The following SUPT5H variants were observed in gnomAD, a reference collection of about 807,000 sequenced individuals.
The protein encoded by SUPT5H is transcription elongation factor SPT5.
A neutral mutation model predicts 142.5 loss-of-function variants in SUPT5H; 24 were observed. The ratio of observed to expected loss-of-function variants is 0.17; its 90% CI spans 0.12 to 0.24. The LOEUF (loss-of-function observed/expected upper bound fraction) is 0.24. SUPT5H is among the 10% of genes least tolerant of loss of function. The probability of loss-of-function intolerance (pLI) is 1.00; values close to 1 mark genes in which losing one functional copy is unlikely to be tolerated. For synonymous variants in SUPT5H, 546 were observed against 553.0 expected (o/e 0.99, Z 0.18); for missense variants, 893 against 1,471.8 (o/e 0.61, Z 6.43).
At position 39,458,249 on chromosome 19, in the gene SUPT5H, AC is replaced by A; in HGVS notation, c.308-43del. On this transcript the variant is annotated intron_variant, in intron 4 of 29. Coordinates refer to ENST00000432763, the MANE Select transcript of SUPT5H (RefSeq NM_001111020.3). The surrounding 1 kb of genome is among the most constrained non-coding windows in gnomAD (Gnocchi z 4.2). ...GCCCTCGCCCACCACCACCACCACC[AC>A]CACCACCACCACCACCACCACCACC... 2 of 771,752 alleles carry A rather than the reference AC, an allele frequency of 2.6e-6. No individual in the cohort carries two copies. The highest frequency in any genetic ancestry group is 1.5e-5 in the South Asian group (1 of 64,520). The allele number at this position is 771,752 out of a possible 1,614,324, so 47.8% of individuals were successfully genotyped here.
chr19:39,475,225 CAAAAAAAAAA>C (rs57886387), intron 28 of SUPT5H: 35 of 80,970 alleles, frequency 4.3e-4, no homozygotes, highest in Admixed American at 7.3e-4. Context: ...ACTAAAAATA[CAAAAAAAAAA>C]AAAAAAAAAA....
chr19:39,460,183 C>A, intron 10 of SUPT5H: 2 of 547,100 alleles, frequency 3.7e-6, no homozygotes, highest in Middle Eastern at 4.9e-4. Context: ...GTCTTCCCAC[C>A]CTTGTAGCCC....
Position 39,472,993 on chromosome 19 carries a change from ACCT to A in SUPT5H, c.2156-15_2156-13del, listed in dbSNP as rs747434065. The A allele has an allele frequency of 1.7e-5, 28 of 1,612,238 alleles. No individual in the cohort carries two copies. Among genetic ancestry groups the A allele is most frequent in the Non-Finnish European group, 2.2e-5 (26 of 1,178,978 alleles). ...GGTGAAGGAGAGCCTGCCCAGCCTGACCTCCTGTCCCCCTGCAGGCTACATCGG... is the reference window on the plus strand; with the variant it reads ...GGTGAAGGAGAGCCTGCCCAGCCTGACCTGTCCCCCTGCAGGCTACATCGG... On this transcript the variant is annotated splice_polypyrimidine_tract_variant and intron_variant, in intron 22 of 29. Coordinates refer to ENST00000432763, the MANE Select transcript of SUPT5H (RefSeq NM_001111020.3). This position sits in a 1 kb window ranked among gnomAD's most constrained non-coding sequence, Gnocchi z 4.2.
Position 39,470,249 on chromosome 19 carries a change from T to G in SUPT5H, c.1505T>G (p.Leu502Arg). 1 of 1,587,710 alleles carries G rather than the reference T, an allele frequency of 6.3e-7. No individual in the cohort carries two copies. Among genetic ancestry groups the G allele is most frequent in the Non-Finnish European group, 8.6e-7 (1 of 1,162,728 alleles). Residue 502 changes from leucine to arginine, a missense_variant, in exon 17 of 30, where the codon CTG (leucine) becomes CGG (arginine). Leu to Arg is a moderately radical substitution (Grantham distance 102). Transcript: ENST00000432763. This position sits in a 1 kb window ranked among gnomAD's most constrained non-coding sequence, Gnocchi z 5.8. ...IVRVEENFVI[L>R]FSDLTMHELK... ...CGGGTGGAGGAGAATTTCGTTATCC[T>G]GTTCTCTGACCTCACCATGCATGAG...
Position 39,453,492 on chromosome 19 carries a change from G to C in SUPT5H, c.212G>C (p.Arg71Pro). The change falls in exon 3 of 30, where the codon CGC becomes CCC. Residue 71 changes from arginine (R) to proline (P), a missense_variant. Physicochemically the swap from Arg to Pro is moderately radical, Grantham distance 103 (BLOSUM62 -2). Transcript: ENST00000432763. Reference protein sequence around the residue: ...EDDDRPPKKPRHGGFILDEAD... With the variant: ...EDDDRPPKKPPHGGFILDEAD... ...GATGACCGACCCCCCAAGAAACCCCGCCATGGAGGCTTCATTCTGGACGAG... is the reference window on the plus strand; with the variant it reads ...GATGACCGACCCCCCAAGAAACCCCCCCATGGAGGCTTCATTCTGGACGAG... 1.3e-6 allele frequency: 2 copies of C among 1,548,146 alleles called. No homozygotes were observed. The highest frequency in any genetic ancestry group is 1.7e-6 in the Non-Finnish European group (2 of 1,145,096).
At position 39,466,166 on chromosome 19, in the gene SUPT5H, G is replaced by T. The variant is rs534137798; in HGVS notation, c.877-314G>T. Among the ~76,000 whole-genome samples, 2 of 152,266 alleles carry T rather than the reference G, an allele frequency of 1.3e-5. No homozygotes were observed. Among genetic ancestry groups the T allele is most frequent in the Non-Finnish European group, 2.9e-5 (2 of 68,020 alleles). On this transcript the variant is annotated intron_variant, in intron 11 of 29. Transcript: ENST00000432763. The surrounding 1 kb of genome is among the most constrained non-coding windows in gnomAD (Gnocchi z 4.3). ...CAAAGGAGTCAAGAGTGGCTCCCAGGTTGTGTGCCTGAGCAGAGGGAAGAA... is the reference window on the plus strand; with the variant it reads ...CAAAGGAGTCAAGAGTGGCTCCCAGTTTGTGTGCCTGAGCAGAGGGAAGAA...
intron 10 of SUPT5H, among the ~76,000 whole-genome samples, chr19:39,460,405 T>A (rs1225339997): frequency 1.3e-5 from 2 of 152,186 alleles, no homozygotes; most frequent in Admixed American, 1.3e-4. Context: ...CTACTTCCCC[T>A]CTCTGGGCCC....
At chr19:39,453,279 T>C in intron 2 of SUPT5H, 77 bp from the exon 3 acceptor site, 1 of 1,498,460 alleles carries the variant, frequency 6.7e-7, no homozygotes, top group Non-Finnish European at 8.9e-7. Flanking sequence ...TGAGGTCAGA[T>C]TTAGGGTGAG....
At chr19:39,459,852 C>T (rs2079138516) in intron 9 of SUPT5H, 40 bp from the exon 10 acceptor site, 1 of 1,607,154 alleles carries the variant, frequency 6.2e-7, no homozygotes, top group South Asian at 1.1e-5. Context: ...TCCTTTCCTC[C>T]ATCCTGTCAT....
At chr19:39,449,196 C>G (rs1176885131) in intron 2 of SUPT5H, among the ~76,000 whole-genome samples, 2 of 151,938 alleles carry the variant, frequency 1.3e-5, no homozygotes, top group Non-Finnish European at 2.9e-5. Context: ...TATAGATACA[C>G]AGTTACTGCA....
At chr19:39,460,783 G>A (rs2079150873) in intron 10 of SUPT5H, among the ~76,000 whole-genome samples, 1 of 152,154 alleles carries the variant, frequency 6.6e-6, no homozygotes, top group African/African-American at 2.4e-5. Flanking sequence ...CATTTACTTA[G>A]CAGAGCTGTT....
At chr19:39,468,378 CTG>C (rs1194658165) in intron 13 of SUPT5H, 1 of 238,812 alleles carries the variant, frequency 4.2e-6, no homozygotes, top group Admixed American at 5.1e-5. Context: ...TTGTCTGAAA[CTG>C]TTATTTTGTT....
rs546843411 is a variant in SUPT5H, at chr19:39,472,820, C to T, written c.2046C>T (p.Gly682=). The T allele has an allele frequency of 5.8e-5, 93 of 1,612,516 alleles. 5 individuals are homozygous for T. In the South Asian group the frequency reaches 8.4e-4, roughly 15 times the overall value. ...CTCCCCAATCCCCAGGTCAGCGTGG[C>T]GGCTTTGGTAGCCCAGGTGGCGGCA... ...PMHPSAGGQR[G]GFGSPGGGSG... Residue 682 remains glycine (G), a synonymous_variant, in exon 22 of 30, where the codon GGC becomes GGT. Coordinates refer to ENST00000432763, the MANE Select transcript of SUPT5H (RefSeq NM_001111020.3). This position sits in a 1 kb window ranked among gnomAD's most constrained non-coding sequence, Gnocchi z 4.2.
chr19:39,446,320 A>G (rs1041632744), intron 2 of SUPT5H, among the ~76,000 whole-genome samples: 2 of 152,214 alleles, frequency 1.3e-5, no homozygotes, highest in Admixed American at 6.5e-5. Flanking sequence ...AGGGTACACC[A>G]GTAAACAAAA....
intron 11 of SUPT5H, 109 bp downstream of exon 11, chr19:39,465,158 CAGATGA>C: frequency 1.4e-6 from 2 of 1,449,992 alleles, no homozygotes. Context: ...GAATCCCACT[CAGATGA>C]GTTGAAGCAG....
Position 39,473,856 on chromosome 19 carries a change from C to CGTGAGA in SUPT5H, c.2493-106_2493-101dup. ...CAGGAGTGCCTCTGGATGGGGCTCC[C>CGTGAGA]GTGAGAATGAAATTGCTTCAGTTGG... On this transcript the variant is annotated intron_variant, in intron 25 of 29. Transcript: ENST00000432763. This position sits in a 1 kb window ranked among gnomAD's most constrained non-coding sequence, Gnocchi z 5.8. The CGTGAGA allele has an allele frequency of 6.8e-7, 1 of 1,464,998 alleles. No homozygotes were observed. The highest frequency in any genetic ancestry group is 9.5e-7 in the Non-Finnish European group (1 of 1,051,526). 90.7% of individuals were successfully genotyped at this position (1,464,998 alleles called of 1,614,324 possible). A position where few individuals can be genotyped will look rare whatever the true frequency, so the allele number is the denominator to read the frequency against.
intron 18 of SUPT5H, 27 bp from the exon 19 acceptor site, chr19:39,471,330 C>T (rs1422610628): frequency 1.2e-6 from 2 of 1,613,924 alleles, no homozygotes; most frequent in African/African-American, 1.3e-5. Context: ...TTCTCACCCC[C>T]ACAGCCTCCC....
intron 3 of SUPT5H, among the ~76,000 whole-genome samples, chr19:39,455,266 A>G (rs1252838067): frequency 2.6e-5 from 4 of 152,152 alleles, no homozygotes; most frequent in Non-Finnish European, 5.9e-5. Flanking sequence ...GGTGTGTTAA[A>G]AAAATTACGT....
In SUPT5H at chr19:39,458,231, C is replaced by CCCACCACCACCACCA. The variant is rs113169927; in HGVS notation, c.308-33_308-19dup. ...TTGGCTCATACTTTGTCTGCCCTCG[C>CCCACCACCACCACCA]CCACCACCACCACCACCACCACCAC... On this transcript the variant is annotated intron_variant, in intron 4 of 29. Coordinates refer to ENST00000432763, the MANE Select transcript of SUPT5H (RefSeq NM_001111020.3). The surrounding 1 kb of genome is among the most constrained non-coding windows in gnomAD (Gnocchi z 4.2). 1.9e-5 allele frequency: 26 copies of CCCACCACCACCACCA among 1,364,610 alleles called. No homozygotes were observed. Among genetic ancestry groups the CCCACCACCACCACCA allele is most frequent in the Admixed American group, 9.2e-5 (4 of 43,670 alleles). 84.5% of individuals were successfully genotyped at this position (1,364,610 alleles called of 1,614,324 possible).
Sources: gnomAD v4.1 joint callset for allele counts (sites outside exome capture counted in the v4.1 genomes callset) on GRCh38, gnomAD v4.1.1 for gene constraint, Gnocchi (gnomAD v3.1) non-coding constraint, MANE v1.5 for transcripts, NCBI Gene and HGNC (gene_info 2026-07-23, HGNC 2026-07-21) for gene names.